LRP2: variants seen among roughly 807,000 people sequenced by gnomAD.
LRP2 encodes low-density lipoprotein receptor-related protein 2.
A neutral mutation model predicts 531.0 loss-of-function variants in LRP2; 172 were observed. That is an observed-to-expected ratio of 0.32 (90% CI 0.29 to 0.37). The LOEUF is 0.37. Among genes scored for constraint, LRP2 ranks in the 10% least tolerant of loss-of-function variants. The pLI is 1.00. For synonymous variants in LRP2, 1,992 were observed against 2,027.6 expected (o/e 0.98, Z 0.47); for missense variants, 5,167 against 5,868.3 (o/e 0.88, Z 3.90).
chr2:169,217,562 C>T (rs1468668261), intron 34 of LRP2, among the ~76,000 whole-genome samples: 7 of 152,120 alleles, frequency 4.6e-5, no homozygotes, highest in Non-Finnish European at 1.0e-4. Flanking sequence ...CTAAGCTAAT[C>T]TCCAACCCTG....
intron 1 of LRP2, among the ~76,000 whole-genome samples, chr2:169,324,794 C>T (rs572964804): frequency 7.2e-4 from 109 of 152,216 alleles, no homozygotes; most frequent in African/African-American, 2.5e-3. Context: ...CAAGGAACAA[C>T]ACTGGATTGA....
At chr2:169,283,919 T>C (rs1338427913) in intron 9 of LRP2, among the ~76,000 whole-genome samples, 1 of 152,128 alleles carries the variant, frequency 6.6e-6, no homozygotes, top group Non-Finnish European at 1.5e-5. Context: ...ACTATAAGGC[T>C]TCAGGGGTGC....
chr2:169,259,458 A>T, intron 16 of LRP2, among the ~76,000 whole-genome samples: 1 of 152,026 alleles, frequency 6.6e-6, no homozygotes, highest in Non-Finnish European at 1.5e-5. Context: ...TGATACTGAC[A>T]AACAGAACCA....
chr2:169,226,509 A>T lies in LRP2; in HGVS notation c.5307T>A (p.Asp1769Glu). Residue 1769 changes from aspartate to glutamate, a missense_variant, in exon 32 of 79, where the codon GAT becomes GAA. Around this residue, in one of 6 missense-constraint regions of LRP2, gnomAD observed 2,811 missense variants for 3,058.0 expected, o/e 0.92. Coordinates refer to ENST00000649046, the MANE Select transcript of LRP2 (RefSeq NM_004525.3). ...ISLNPEVKSNDAMVPIAGIQN... is the reference protein window; with the variant it reads ...ISLNPEVKSNEAMVPIAGIQN... Reference sequence around the variant, plus strand: ...GTATCCCTGCTATGGGGACCATAGCATCATTGCTCTTCACCTCAGGATTAA... The same window carrying T: ...GTATCCCTGCTATGGGGACCATAGCTTCATTGCTCTTCACCTCAGGATTAA... 1 of 1,613,112 alleles carries T rather than the reference A, an allele frequency of 6.2e-7. No homozygotes were observed. Among genetic ancestry groups the T allele is most frequent in the Non-Finnish European group, 8.5e-7 (1 of 1,179,088 alleles).
chr2:169,296,499 G>T (rs1251799661), intron 4 of LRP2, among the ~76,000 whole-genome samples: 1 of 151,948 alleles, frequency 6.6e-6, no homozygotes, highest in African/African-American at 2.4e-5. Flanking sequence ...AGGTCAGCAA[G>T]CAATTCCTTT....
intron 1 of LRP2, among the ~76,000 whole-genome samples, chr2:169,327,503 GC>G (rs1685119590): frequency 8.4e-6 from 1 of 118,986 alleles, no homozygotes; most frequent in Admixed American, 7.8e-5. Flanking sequence ...TCAGCCCCCC[GC>G]CCGGCCAGCC....
At chr2:169,290,719 T>C in intron 8 of LRP2, 126 bp downstream of exon 8, 1 of 1,010,762 alleles carries the variant, frequency 9.9e-7, no homozygotes, top group Non-Finnish European at 1.5e-6. Context: ...GTTTCTCAGT[T>C]TATGCCACTA....
intron 1 of LRP2, among the ~76,000 whole-genome samples, chr2:169,326,776 C>G (rs1171089258): frequency 6.7e-6 from 1 of 148,506 alleles, no homozygotes; most frequent in South Asian, 2.1e-4. Flanking sequence ...GTGAGGAGCG[C>G]CTCTTCCCGG....
intron 3 of LRP2, among the ~76,000 whole-genome samples, chr2:169,316,038 G>A (rs1167150652): frequency 6.6e-6 from 1 of 151,506 alleles, no homozygotes; most frequent in African/African-American, 2.4e-5. Flanking sequence ...TACTCTGGAG[G>A]CTGAGAAGTG....
At chr2:169,355,515 G>A (rs1471958990) in intron 1 of LRP2, among the ~76,000 whole-genome samples, 2 of 152,108 alleles carry the variant, frequency 1.3e-5, no homozygotes, top group Non-Finnish European at 2.9e-5. Context: ...CTAAGCCATG[G>A]GAACACATCA....
intron 19 of LRP2, 58 bp downstream of exon 19, chr2:169,256,048 A>G: frequency 6.4e-7 from 1 of 1,569,572 alleles, no homozygotes; most frequent in Non-Finnish European, 8.8e-7. Context: ...GGATGAGTTT[A>G]CTATTGTAAC....
In LRP2 at chr2:169,154,592, A is replaced by C; in HGVS notation, c.12163T>G (p.Leu4055Val). ...KRCAAEGSSP[L>V]LLLPDNVRIR... ...CGGACATTGTCAGGCAGTAGCAACA[A>C]AGGAGAGCTACCTGTAAACAAACAA... The change falls in exon 66 of 79, where the codon TTG (leucine) becomes GTG (valine). Residue 4055 changes from leucine to valine, a missense_variant. Around this residue, in one of 6 missense-constraint regions of LRP2, gnomAD observed 564 missense variants for 747.7 expected, o/e 0.75. Transcript: ENST00000649046. The C allele has an allele frequency of 6.2e-7, 1 of 1,613,542 alleles. No homozygotes were observed. Among genetic ancestry groups the C allele is most frequent in the Non-Finnish European group, 8.5e-7 (1 of 1,179,582 alleles).
At chr2:169,236,104 G>A (rs369694893) in intron 28 of LRP2, 36 bp from the exon 29 acceptor site, 270 of 1,405,440 alleles carry the variant, frequency 1.9e-4, no homozygotes, top group Non-Finnish European at 2.5e-4. Context: ...TGGAGGGGAC[G>A]TATTTAAATA....
rs755544114 is a variant in LRP2, at chr2:169,231,774, A to T, written c.5167T>A (p.Tyr1723Asn). The T allele has an allele frequency of 6.2e-7, 1 of 1,614,150 alleles. No homozygotes were observed. Residue 1723 changes from tyrosine (Y) to asparagine (N), a missense_variant, in exon 31 of 79, where the codon TAC becomes AAC. Around this residue, in one of 6 missense-constraint regions of LRP2, gnomAD observed 2,811 missense variants for 3,058.0 expected, o/e 0.92. Transcript: ENST00000649046. ...CATCCTGAAGGACAAACACAGGAGT[A>T]AAAATGAGGCCCCTGTGAGGAAAGC... ...CLLSSQGPHF[Y>N]SCVCPSGWSL...
At chr2:169,172,943 G>GTAACATGT (rs1687057173) in intron 57 of LRP2, among the ~76,000 whole-genome samples, 153 bp downstream of exon 57, 1 of 152,166 alleles carries the variant, frequency 6.6e-6, no homozygotes, top group Non-Finnish European at 1.5e-5. Flanking sequence ...CTACAAAAAT[G>GTAACATGT]TAACATGTTA....
At chr2:169,306,385 T>C (rs1478684092) in intron 4 of LRP2, among the ~76,000 whole-genome samples, 1 of 151,742 alleles carries the variant, frequency 6.6e-6, no homozygotes, top group Non-Finnish European at 1.5e-5. Flanking sequence ...AATACAAAAA[T>C]TAGTCGGGCG....
chr2:169,178,813 G>A (rs1203767830), intron 52 of LRP2, among the ~76,000 whole-genome samples: 7 of 152,082 alleles, frequency 4.6e-5, no homozygotes, highest in South Asian at 4.1e-4. Flanking sequence ...TCAAACAGGA[G>A]ATAGAACAAG....
intron 14 of LRP2, among the ~76,000 whole-genome samples, chr2:169,274,770 T>C (rs962312316): frequency 1.3e-5 from 2 of 152,148 alleles, no homozygotes; most frequent in African/African-American, 4.8e-5. Flanking sequence ...CCCAAGCATC[T>C]TTGCAGGTGC....
chr2:169,136,463 G>A lies in LRP2; in HGVS notation c.13620+929C>T, dbSNP rs981561925. On this transcript the variant is annotated intron_variant, in intron 76 of 78. Transcript: ENST00000649046. ...CTGCATGTATACACCCAGATGGCCT[G>A]AAGTAACTGAAGAATCACAAAAGAA... Among the ~76,000 whole-genome samples, 10 of 152,154 alleles carry A rather than the reference G, an allele frequency of 6.6e-5. No individual in the cohort carries two copies. In the East Asian group the frequency reaches 1.3e-3, roughly 21 times the overall value.
Sources: gnomAD v4.1 joint callset for allele counts (sites outside exome capture counted in the v4.1 genomes callset) on GRCh38, gnomAD v4.1.1 for gene constraint, gnomAD v4.1.1 regional missense constraint, MANE v1.5 for transcripts, NCBI Gene and HGNC (gene_info 2026-07-23, HGNC 2026-07-21) for gene names.